MON2: variants seen among roughly 807,000 people sequenced by gnomAD.
MON2 encodes the protein protein MON2 homolog.
MON2 carries 84 observed loss-of-function variants against 208.6 expected under a neutral mutation model. The ratio of observed to expected loss-of-function variants is 0.40; its 90% CI spans 0.34 to 0.48. The LOEUF (loss-of-function observed/expected upper bound fraction) is 0.48. Ranked by LOEUF, MON2 falls within the 20% of genes least tolerant of loss-of-function variation. The probability of loss-of-function intolerance (pLI) is 0.59; values close to 1 mark genes in which losing one functional copy is unlikely to be tolerated. For synonymous variants in MON2, 660 were observed against 694.0 expected, an observed-to-expected ratio of 0.95 and a Z score of 0.77; for missense variants, 1,611 against 2,015.4, an observed-to-expected ratio of 0.80 and a Z score of 3.84.
intron 22 of MON2, among the ~76,000 whole-genome samples, chr12:62,548,232 A>C (rs1479182683): frequency 6.6e-6 from 1 of 152,190 alleles, no homozygotes; most frequent in Non-Finnish European, 1.5e-5. Context: ...ACTAGAAATA[A>C]GAGATGGATT....
chr12:62,487,499 T>C (rs764185908), intron 2 of MON2, among the ~76,000 whole-genome samples: 3 of 152,026 alleles, frequency 2.0e-5, no homozygotes, highest in Non-Finnish European at 2.9e-5. Context: ...TAAAGAATTT[T>C]TACATAAATA....
intron 12 of MON2, among the ~76,000 whole-genome samples, chr12:62,532,881 A>G (rs1461757534): frequency 2.0e-5 from 3 of 152,170 alleles, no homozygotes; most frequent in Non-Finnish European, 2.9e-5. Context: ...CCGTATTACT[A>G]CCCTTTAATG....
chr12:62,500,182 A>G (rs2070753276), intron 5 of MON2, among the ~76,000 whole-genome samples: 3 of 152,210 alleles, frequency 2.0e-5, no homozygotes, highest in Admixed American at 6.5e-5. Context: ...ATAGTAAGGT[A>G]GAAATACTTA....
intron 2 of MON2, among the ~76,000 whole-genome samples, chr12:62,486,687 T>A (rs1444882362): frequency 1.3e-5 from 2 of 152,080 alleles, no homozygotes; most frequent in Non-Finnish European, 2.9e-5. Flanking sequence ...GTACAGTTAA[T>A]ACTGAGAAAA....
intron 1 of MON2, among the ~76,000 whole-genome samples, chr12:62,474,199 A>C (rs1592801177): frequency 6.7e-6 from 1 of 148,460 alleles, no homozygotes; most frequent in African/African-American, 2.5e-5. Context: ...GCTCACTGCA[A>C]CCTCCGCCTC....
At chr12:62,583,830 C>T (rs1460887646) in intron 32 of MON2, among the ~76,000 whole-genome samples, 1 of 149,294 alleles carries the variant, frequency 6.7e-6, no homozygotes, top group Non-Finnish European at 1.5e-5. Flanking sequence ...TGTGGTGGTG[C>T]GTGCCTGTAA....
At chr12:62,555,866 A>C in intron 24 of MON2, 128 bp from the exon 25 acceptor site, 1 of 684,368 alleles carries the variant, frequency 1.5e-6, no homozygotes. Flanking sequence ...CCTCCAATAT[A>C]TAGGGATTGA....
At chr12:62,528,488 C>T (rs1301200518) in intron 11 of MON2, among the ~76,000 whole-genome samples, 2 of 152,122 alleles carry the variant, frequency 1.3e-5, no homozygotes, top group Non-Finnish European at 2.9e-5. Context: ...TACATTTTAT[C>T]TCAAAGTGGA....
intron 4 of MON2, among the ~76,000 whole-genome samples, chr12:62,496,509 G>A (rs2070496093): frequency 1.3e-5 from 2 of 152,142 alleles, no homozygotes; most frequent in Non-Finnish European, 2.9e-5. Flanking sequence ...TCAAAGGCTT[G>A]TGTCTTTTAG....
intron 26 of MON2, chr12:62,564,986 C>T: frequency 3.0e-6 from 1 of 328,174 alleles, no homozygotes; most frequent in South Asian, 4.4e-5. Context: ...CTTTGTTGGC[C>T]CTTTTTCTAT....
At chr12:62,482,139 C>T (rs1245848816) in intron 1 of MON2, among the ~76,000 whole-genome samples, 1 of 152,216 alleles carries the variant, frequency 6.6e-6, no homozygotes, top group Non-Finnish European at 1.5e-5. Context: ...CTAGGTTCTA[C>T]ATTCAAAATT....
chr12:62,593,568 G>GTA lies in MON2; in HGVS notation c.*820_*821dup, dbSNP rs1387800016. Reference sequence around the variant, plus strand: ...GGTTCTTAATACATTGATACATATTGTAGCACTATGACTTCATCATACCTC... The same window carrying GTA: ...GGTTCTTAATACATTGATACATATTGTATAGCACTATGACTTCATCATACCTC... On this transcript the variant is annotated 3_prime_UTR_variant, in exon 35 of 35. Coordinates refer to ENST00000393630, the MANE Select transcript of MON2 (RefSeq NM_015026.3). The GTA allele has an allele frequency of 1.9e-4, 29 of 152,654 alleles. No homozygotes were observed. The highest frequency in any genetic ancestry group is 5.5e-4 in the African/African-American group (23 of 41,560). The allele number at this position is 152,654 out of a possible 1,614,324, so 9.5% of individuals were successfully genotyped here. A position where few individuals can be genotyped will look rare whatever the true frequency, so the allele number is the denominator to read the frequency against.
intron 12 of MON2, 95 bp from the exon 13 acceptor site, chr12:62,534,750 A>G: frequency 2.5e-6 from 2 of 814,372 alleles, no homozygotes; most frequent in Non-Finnish European, 4.0e-6. Context: ...GGAATATTTG[A>G]CATATTGTCT....
intron 29 of MON2, among the ~76,000 whole-genome samples, chr12:62,566,894 A>T (rs1453264523): frequency 2.0e-5 from 3 of 152,156 alleles, no homozygotes; most frequent in East Asian, 1.9e-4. Flanking sequence ...ATTAAAAAAA[A>T]TTTGTTACAG....
chr12:62,565,358 T>C lies in MON2; in HGVS notation c.4154T>C (p.Ile1385Thr), dbSNP rs1195704446. ...PQYGQLETKH[I>T]ANAKYNQIQL... The stretch of plus-strand genomic sequence containing the variant: ...TATGGACAGCTGGAAACAAAGCACA[T>C]TGCAAATGCAAAATATAATCAGGTA... The change falls in exon 27 of 35, where the codon ATT becomes ACT. Residue 1385 changes from isoleucine to threonine, a missense_variant. Transcript: ENST00000393630. 6.2e-7 allele frequency: 1 copy of C among 1,606,568 alleles called. No individual in the cohort carries two copies. Among genetic ancestry groups the C allele is most frequent in the East Asian group, 2.2e-5 (1 of 44,688 alleles).
At position 62,556,180 on chromosome 12, in the gene MON2, C is replaced by T. The variant is rs1238820322; in HGVS notation, c.3397C>T (p.Leu1133=). 1 of 1,613,670 alleles carries T rather than the reference C, an allele frequency of 6.2e-7. No homozygotes were observed. The highest frequency in any genetic ancestry group is 1.7e-5 in the Admixed American group (1 of 59,962). The part of the protein sequence containing the change: ...ARIFNTRRYL[L]QPLGDFSRAW... The stretch of plus-strand genomic sequence containing the variant: ...GATCTTCAACACTAGAAGATATTTG[C>T]TGCAGCCTTTAGGTATACGTACATT... Residue 1133 remains leucine (L), a synonymous_variant, in exon 25 of 35, where the codon CTG becomes TTG. Transcript: ENST00000393630.
In MON2 at chr12:62,597,700, G is replaced by A. The variant is rs1231302676; in HGVS notation, c.*4951G>A. The A allele has an allele frequency of 6.6e-6, 1 of 152,168 alleles. No individual in the cohort carries two copies. The highest frequency in any genetic ancestry group is 6.6e-5 in the Admixed American group (1 of 15,262). 9.4% of individuals were successfully genotyped at this position (152,168 alleles called of 1,614,324 possible). On this transcript the variant is annotated 3_prime_UTR_variant, in exon 35 of 35. Transcript: ENST00000393630. ...AATTTGGAATAATCATGTCTTTTCT[G>A]TTATGTGGGTAGAGAGATTATATAT...
chr12:62,538,515 T>C lies in MON2; in HGVS notation c.2364+10T>C. ...CTATGGAAATAATAAGGTGTGATAT[T>C]CTACCTTTCTGTTTTAGATATGATA... On this transcript the variant is annotated intron_variant, in intron 19 of 34. Transcript: ENST00000393630. The C allele has an allele frequency of 6.5e-7, 1 of 1,533,854 alleles. No homozygotes were observed. Among genetic ancestry groups the C allele is most frequent in the Non-Finnish European group, 9.0e-7 (1 of 1,110,140 alleles).
At chr12:62,520,980 T>A (rs1446069832) in intron 8 of MON2, among the ~76,000 whole-genome samples, 1 of 147,886 alleles carries the variant, frequency 6.8e-6, no homozygotes, top group Admixed American at 6.8e-5. Context: ...TAGTTTTGTT[T>A]ATTATGGCTC....
Sources: gnomAD v4.1 joint callset for allele counts (sites outside exome capture counted in the v4.1 genomes callset) on GRCh38, gnomAD v4.1.1 for gene constraint, MANE v1.5 for transcripts, NCBI Gene and HGNC (gene_info 2026-07-23, HGNC 2026-07-21) for gene names.